Variants in ACTR3C observed in about 807,000 individuals in gnomAD.
ACTR3C encodes the protein actin-related protein 3C.
In ACTR3C, 18 loss-of-function variants were observed where a neutral mutation model predicts 26.3. That is an observed-to-expected ratio of 0.68 (90% CI 0.47 to 1.01). ACTR3C has a LOEUF of 1.01. ACTR3C is among the 50% of genes least tolerant of loss of function. ACTR3C has a pLI of 0.00. For missense variants in ACTR3C, 184 were observed against 250.7 expected (o/e 0.73, Z 1.80); for synonymous variants, 55 against 94.5 (o/e 0.58, Z 2.42).
At chr7:150,308,485 G>A (rs959719290) in intron 1 of ACTR3C, among the ~76,000 whole-genome samples, 8 of 152,072 alleles carry the variant, frequency 5.3e-5, no homozygotes, top group Non-Finnish European at 8.8e-5. Flanking sequence ...GGTGCCTTAC[G>A]TCCAGGCATT....
the ACTR3C span, among the ~76,000 whole-genome samples, chr7:150,142,814 C>A: frequency 3.3e-4 from 49 of 150,138 alleles, 3 homozygotes; most frequent in South Asian, 9.1e-3. Context: ...CAGGTGTGAG[C>A]CACTACGCCT....
chr7:149,881,583 C>CG, the ACTR3C span: 74,355 of 150,176 alleles, frequency 0.5, 18,926 homozygotes, highest in Middle Eastern at 0.59. Context: ...GCTGGCTGGG[C>CG]GGTGGGGCGG....
intron 1 of ACTR3C, among the ~76,000 whole-genome samples, chr7:150,299,647 G>A (rs1025992599): frequency 2.0e-5 from 3 of 151,854 alleles, no homozygotes; most frequent in Non-Finnish European, 2.9e-5. Context: ...TTAGCTGGGC[G>A]TGGTGGTGCA....
chr7:149,918,014 A>G, the ACTR3C span, among the ~76,000 whole-genome samples: 2 of 152,228 alleles, frequency 1.3e-5, no homozygotes, highest in African/African-American at 4.8e-5. Context: ...TGTAAATTAC[A>G]TGACCAATTT....
chr7:150,176,012 A>C, the ACTR3C span, among the ~76,000 whole-genome samples: 6 of 150,522 alleles, frequency 4.0e-5, no homozygotes, highest in Non-Finnish European at 8.8e-5. Flanking sequence ...TCTCAGGTGG[A>C]ACACGAATAA....
intron 1 of ACTR3C, among the ~76,000 whole-genome samples, chr7:150,311,070 T>C (rs906934740): frequency 1.3e-5 from 2 of 152,180 alleles, no homozygotes; most frequent in African/African-American, 4.8e-5. Flanking sequence ...CTTGCAACTC[T>C]GGGTACCAAA....
the ACTR3C span, among the ~76,000 whole-genome samples, chr7:150,213,480 GACTC>G: frequency 6.6e-6 from 1 of 152,202 alleles, no homozygotes; most frequent in Non-Finnish European, 1.5e-5. Context: ...TCTTGAAGAG[GACTC>G]ACTTGGAAAG....
chr7:150,319,971 C>T (rs943859301), intron 1 of ACTR3C, among the ~76,000 whole-genome samples: 9 of 152,248 alleles, frequency 5.9e-5, no homozygotes, highest in Non-Finnish European at 1.3e-4. Context: ...GGAAGATCAG[C>T]ATTTCCTTCC....
chr7:150,185,651 C>T, the ACTR3C span, among the ~76,000 whole-genome samples: 1 of 151,540 alleles, frequency 6.6e-6, no homozygotes, highest in Non-Finnish European at 1.5e-5. Flanking sequence ...AGGGTGACTC[C>T]TATGAGGACA....
At chr7:150,305,544 C>T (rs180681818) in intron 1 of ACTR3C, among the ~76,000 whole-genome samples, 33 of 152,308 alleles carry the variant, frequency 2.2e-4, no homozygotes, top group African/African-American at 7.5e-4. Flanking sequence ...AGAGTCACCA[C>T]GCCCTCTCAT....
At chr7:150,318,263 C>A (rs1797138227) in intron 1 of ACTR3C, among the ~76,000 whole-genome samples, 4 of 152,088 alleles carry the variant, frequency 2.6e-5, no homozygotes, top group Non-Finnish European at 5.9e-5. Context: ...TGCCAAAAGA[C>A]ACGAGGGATT....
At chr7:150,111,624 A>C in the ACTR3C span, among the ~76,000 whole-genome samples, 2 of 102,338 alleles carry the variant, frequency 2.0e-5, no homozygotes, top group African/African-American at 4.3e-5. Flanking sequence ...CCACCCACTC[A>C]CAGTCACACC....
At chr7:150,255,210 C>T (rs1833122669) in intron 6 of ACTR3C, among the ~76,000 whole-genome samples, 1 of 146,040 alleles carries the variant, frequency 6.8e-6, no homozygotes, top group African/African-American at 2.6e-5. Context: ...CTTCCTAGGG[C>T]AATCAGAAAT....
At chr7:150,240,191 A>G (rs1832102234), downstream of ACTR3C, among the ~76,000 whole-genome samples, 1 of 152,252 alleles carries the variant, frequency 6.6e-6, no homozygotes, top group Non-Finnish European at 1.5e-5. Context: ...TTGTCATGTT[A>G]AACATACATG....
the ACTR3C span, among the ~76,000 whole-genome samples, chr7:149,905,977 A>C: frequency 6.6e-6 from 1 of 152,134 alleles, no homozygotes; most frequent in Non-Finnish European, 1.5e-5. Context: ...CGCATAAGGA[A>C]ATTTTTACTG....
the ACTR3C span, among the ~76,000 whole-genome samples, chr7:150,084,595 A>G: frequency 1.3e-5 from 2 of 152,204 alleles, no homozygotes; most frequent in Non-Finnish European, 2.9e-5. Context: ...GCACTGATGC[A>G]GAAGGAATGT....
intron 1 of ACTR3C, among the ~76,000 whole-genome samples, chr7:150,311,620 G>A (rs1796331455): frequency 6.6e-6 from 1 of 152,150 alleles, no homozygotes; most frequent in African/African-American, 2.4e-5. Flanking sequence ...CCACATGACT[G>A]TATCTCCCTA....
the ACTR3C span, among the ~76,000 whole-genome samples, chr7:149,913,377 C>T: frequency 6.6e-6 from 1 of 152,172 alleles, no homozygotes; most frequent in Non-Finnish European, 1.5e-5. Context: ...GTCACTGAGC[C>T]GTACTCAGAC....
chr7:150,063,986 A>G, the ACTR3C span, among the ~76,000 whole-genome samples: 21 of 151,952 alleles, frequency 1.4e-4, no homozygotes, highest in Admixed American at 6.5e-5. Context: ...TTCCTAGAAG[A>G]AAAATACCCC....
Sources: allele counts gnomAD v4.1 joint callset (sites outside exome capture counted in the v4.1 genomes callset), GRCh38; gene constraint gnomAD v4.1.1; transcripts MANE v1.5; gene names NCBI Gene and HGNC (gene_info 2026-07-23, HGNC 2026-07-21).